The following RAB6A variants were observed in gnomAD, a reference collection of about 807,000 sequenced individuals.
RAB6A encodes the protein ras-related protein Rab-6A.
Under a neutral mutation model 32.3 loss-of-function variants are expected in RAB6A, and 8 were observed. The ratio of observed to expected loss-of-function variants is 0.25; its 90% CI spans 0.15 to 0.45. The LOEUF is 0.45. RAB6A is among the 20% of genes least tolerant of loss of function. The pLI is 1.00. For synonymous variants in RAB6A, 73 were observed against 82.1 expected (o/e 0.89, Z 0.60); for missense variants, 104 against 249.4 (o/e 0.42, Z 3.93).
intron 1 of RAB6A, among the ~76,000 whole-genome samples, chr11:73,751,293 A>C (rs892785721): frequency 2.0e-5 from 3 of 152,176 alleles, no homozygotes; most frequent in Admixed American, 6.6e-5. Context: ...GTCTCAAAAA[A>C]CAAACCAACT....
At chr11:73,727,804 G>C (rs1946244833) in intron 2 of RAB6A, among the ~76,000 whole-genome samples, 1 of 152,298 alleles carries the variant, frequency 6.6e-6, no homozygotes, top group Admixed American at 6.5e-5. Flanking sequence ...GACAGCAGCA[G>C]TTAATGAGTG....
At chr11:73,703,371 AT>A (rs1357443069) in intron 6 of RAB6A, among the ~76,000 whole-genome samples, 8 of 152,198 alleles carry the variant, frequency 5.3e-5, no homozygotes, top group Non-Finnish European at 1.2e-4. Context: ...CTAAAAAAAA[AT>A]AAAGTATATT....
chr11:73,740,209 T>TC (rs1184300117), intron 1 of RAB6A, among the ~76,000 whole-genome samples: 1 of 152,102 alleles, frequency 6.6e-6, no homozygotes, highest in Non-Finnish European at 1.5e-5. Context: ...TTTTACTTTT[T>TC]CCCACAAAAA....
intron 6 of RAB6A, among the ~76,000 whole-genome samples, chr11:73,693,271 G>C (rs887471440): frequency 6.6e-6 from 1 of 151,086 alleles, no homozygotes; most frequent in Non-Finnish European, 1.5e-5. Flanking sequence ...CTGGATGACA[G>C]AGCAAGACTC....
At chr11:73,759,653 G>A (rs1946811791) in intron 1 of RAB6A, among the ~76,000 whole-genome samples, 1 of 152,034 alleles carries the variant, frequency 6.6e-6, no homozygotes, top group Non-Finnish European at 1.5e-5. Context: ...TACTCAAGAA[G>A]GAATGAATAA....
chr11:73,760,228 G>A (rs1180070483), intron 1 of RAB6A: 2 of 791,154 alleles, frequency 2.5e-6, no homozygotes, highest in Non-Finnish European at 3.8e-6. Flanking sequence ...CAAGAAAGGG[G>A]GCCGGGGTAC....
chr11:73,723,857 T>C (rs1195194943), intron 2 of RAB6A, among the ~76,000 whole-genome samples: 2 of 152,158 alleles, frequency 1.3e-5, no homozygotes, highest in Non-Finnish European at 2.9e-5. Flanking sequence ...TATTTTTAGA[T>C]AAGATACTCA....
At chr11:73,713,317 T>C (rs941517373) in intron 5 of RAB6A, among the ~76,000 whole-genome samples, 3 of 152,222 alleles carry the variant, frequency 2.0e-5, no homozygotes, top group African/African-American at 7.2e-5. Context: ...ACGCCTGTAA[T>C]CCCAGCACTT....
intron 6 of RAB6A, among the ~76,000 whole-genome samples, chr11:73,697,933 C>T (rs1296817162): frequency 1.3e-5 from 2 of 152,072 alleles, no homozygotes; most frequent in African/African-American, 4.8e-5. Context: ...TGAAGTCCTA[C>T]TGTGGGCTGG....
At chr11:73,719,897 TGAGCCACCA>T (rs1489245904) in intron 3 of RAB6A, among the ~76,000 whole-genome samples, 1 of 151,778 alleles carries the variant, frequency 6.6e-6, no homozygotes, top group Non-Finnish European at 1.5e-5. Flanking sequence ...ATTACAGGCG[TGAGCCACCA>T]CACCTGGCCG....
intron 1 of RAB6A, among the ~76,000 whole-genome samples, chr11:73,735,680 T>C (rs936735319): frequency 6.6e-6 from 1 of 152,144 alleles, no homozygotes; most frequent in African/African-American, 2.4e-5. Flanking sequence ...TTTTCCAATC[T>C]TATTTGGAAA....
intron 1 of RAB6A, among the ~76,000 whole-genome samples, chr11:73,735,951 C>A (rs1172573991): frequency 1.5e-5 from 2 of 135,406 alleles, no homozygotes; most frequent in African/African-American, 2.7e-5. Flanking sequence ...GAGAGAGAGA[C>A]AGAGAGAGAT....
chr11:73,697,704 T>C (rs1945676610), intron 6 of RAB6A, among the ~76,000 whole-genome samples: 1 of 152,170 alleles, frequency 6.6e-6, no homozygotes, highest in South Asian at 2.1e-4. Context: ...ATTTCACTAA[T>C]TGTCTAACTC....
chr11:73,714,209 A>AATATATATAT lies in RAB6A; in HGVS notation c.401+2032_401+2041dup, dbSNP rs1555059763. Among the ~76,000 whole-genome samples, 95 of 57,540 alleles carry AATATATATAT rather than the reference A, an allele frequency of 1.7e-3. 3 individuals are homozygous for AATATATATAT. The highest frequency in any genetic ancestry group is 4.7e-3 in the African/African-American group (76 of 16,024). 37.7% of individuals were successfully genotyped at this position (57,540 alleles called of 152,430 possible). On this transcript the variant is annotated intron_variant, in intron 5 of 7. Transcript: ENST00000336083. Reference sequence around the variant, plus strand: ...CTCCATCTCAAAAAAAAAAAAAAAAAATATATATATATATATATATACACA... The same window carrying AATATATATAT: ...CTCCATCTCAAAAAAAAAAAAAAAAAATATATATATATATATATATATATATATATACACA...
chr11:73,739,527 G>C (rs928963643), intron 1 of RAB6A, among the ~76,000 whole-genome samples: 1 of 150,780 alleles, frequency 6.6e-6, no homozygotes, highest in Admixed American at 6.7e-5. Context: ...TCAGGCTGGA[G>C]TGCAGTGACA....
chr11:73,731,203 T>C (rs1946295845), intron 1 of RAB6A, among the ~76,000 whole-genome samples: 1 of 151,998 alleles, frequency 6.6e-6, no homozygotes, highest in African/African-American at 2.4e-5. Context: ...AGGCAAAAGA[T>C]AGTCTTAGAA....
rs10676769 is a variant in RAB6A at position 73,735,920 on chromosome 11, TAAAAA to T, written c.71-5102_71-5098del. Among the ~76,000 whole-genome samples the T allele has an allele frequency of 1.0e-4, 9 of 87,084 alleles. No individual in the cohort carries two copies. The South Asian group carries it at 4.8e-3, about 46-fold the overall frequency. The allele number at this position is 87,084 out of a possible 152,430, so 57.1% of individuals were successfully genotyped here. The stretch of plus-strand genomic sequence containing the variant: ...AGTTTCTGGAATCCCAACCTTGCCT[TAAAAA>T]AAAAAAAAAAAAAGAGAGAGAGAGA... On this transcript the variant is annotated intron_variant, in intron 1 of 7. Coordinates refer to ENST00000336083, the MANE Select transcript of RAB6A (RefSeq NM_198896.2).
chr11:73,727,477 C>T lies in RAB6A; in HGVS notation c.129+3288G>A, dbSNP rs531462852. Among the ~76,000 whole-genome samples, 6 of 151,552 alleles carry T rather than the reference C, an allele frequency of 4.0e-5. No individual in the cohort carries two copies. The East Asian group carries it at 9.7e-4, about 24-fold the overall frequency. ...TTTCCCCCAAAAAAGAATGGAGTCA[C>T]CATCCATAGGGATTATGATTCTCAC... On this transcript the variant is annotated intron_variant, in intron 2 of 7. Transcript: ENST00000336083.
intron 4 of RAB6A, among the ~76,000 whole-genome samples, chr11:73,717,767 G>C (rs1426373926): frequency 1.3e-5 from 2 of 152,232 alleles, no homozygotes; most frequent in Non-Finnish European, 1.5e-5. Flanking sequence ...TTAGAAGGCT[G>C]AGGCAGGAGG....
Sources: allele counts gnomAD v4.1 joint callset (sites outside exome capture counted in the v4.1 genomes callset), GRCh38; gene constraint gnomAD v4.1.1; transcripts MANE v1.5; gene names NCBI Gene and HGNC (gene_info 2026-07-23, HGNC 2026-07-21).